Variants in ETV7 observed in about 807,000 individuals in gnomAD.
The protein encoded by ETV7 is ETS variant transcription factor 7.
Under a neutral mutation model 39.1 loss-of-function variants are expected in ETV7, and 43 were observed. That is an observed-to-expected ratio of 1.10 (90% CI 0.86 to 1.42). The LOEUF (loss-of-function observed/expected upper bound fraction) is 1.42. Among genes scored for constraint, ETV7 ranks in the 40% most tolerant of loss-of-function variants. The pLI, the probability that ETV7 is intolerant of heterozygous loss-of-function variation, is 0.00. For missense variants in ETV7, 432 were observed against 442.3 expected (o/e 0.98, Z 0.21); for synonymous variants, 196 against 176.6 (o/e 1.11, Z -0.87).
chr6:36,355,830 T>C (rs562363709), intron 7 of ETV7, among the ~76,000 whole-genome samples: 3 of 152,340 alleles, frequency 2.0e-5, no homozygotes, highest in Admixed American at 6.5e-5. Context: ...CTGGGAATAT[T>C]TGACACCACT....
intron 2 of ETV7, among the ~76,000 whole-genome samples, chr6:36,377,772 A>T (rs903392498): frequency 6.6e-6 from 1 of 152,212 alleles, no homozygotes. Flanking sequence ...CACGGCACAG[A>T]ACCAGGCTGG....
At chr6:36,383,568 CG>C (rs1170624346) in intron 2 of ETV7, among the ~76,000 whole-genome samples, 3 of 151,840 alleles carry the variant, frequency 2.0e-5, no homozygotes, top group Non-Finnish European at 2.9e-5. Context: ...GGGTGGGTGA[CG>C]GGGAATAAAC....
At chr6:36,381,513 C>T (rs1275560496) in intron 2 of ETV7, among the ~76,000 whole-genome samples, 2 of 152,276 alleles carry the variant, frequency 1.3e-5, no homozygotes, top group Admixed American at 1.3e-4. Flanking sequence ...GATCAGGATG[C>T]TGATCATCAG....
intron 4 of ETV7, among the ~76,000 whole-genome samples, chr6:36,372,805 G>A (rs1380328959): frequency 6.8e-6 from 1 of 148,092 alleles, no homozygotes; most frequent in African/African-American, 2.5e-5. Context: ...CAGCGTGGGT[G>A]CACATATCTG....
intron 1 of ETV7, 133 bp from the exon 2 acceptor site, chr6:36,385,802 G>A (rs576723862): frequency 4.3e-6 from 4 of 922,418 alleles, no homozygotes; most frequent in Non-Finnish European, 6.4e-6. Context: ...CAACCTTAAA[G>A]GTAGGAACCA....
chr6:36,373,601 G>GGGTGGC, intron 3 of ETV7, 23 bp from the exon 4 acceptor site: 1 of 475,642 alleles, frequency 2.1e-6, no homozygotes, highest in Non-Finnish European at 4.0e-6. Flanking sequence ...GGGAGGGAGG[G>GGGTGGC]CAGGCTGCTG....
In ETV7 at chr6:36,355,395, CT is replaced by C. The variant is rs1184198286; in HGVS notation, c.909-709del. Among the ~76,000 whole-genome samples the C allele has an allele frequency of 2.7e-3, 385 of 143,542 alleles. 1 individual carries two copies. The highest frequency in any genetic ancestry group is 5.4e-3 in the African/African-American group (215 of 39,598). 94.2% of individuals were successfully genotyped at this position (143,542 alleles called of 152,430 possible). ...GGTATATAACACTGATGTTCATAGA[CT>C]TTTTTTTTTTTTTGAGACAGAGTCT... On this transcript the variant is annotated intron_variant, in intron 7 of 7. Coordinates refer to the ETV7 transcript ENST00000339796.
chr6:36,379,482 C>T (rs1417270443), intron 2 of ETV7, among the ~76,000 whole-genome samples: 1 of 150,986 alleles, frequency 6.6e-6, no homozygotes, highest in Non-Finnish European at 1.5e-5. Context: ...CAAGAGTTCA[C>T]GGATGCAATG....
intron 6 of ETV7, among the ~76,000 whole-genome samples, chr6:36,368,518 C>A (rs992420887): frequency 6.6e-6 from 1 of 152,160 alleles, no homozygotes; most frequent in Non-Finnish European, 1.5e-5. Flanking sequence ...CATTCCTCAT[C>A]ATGGGAATGC....
chr6:36,376,636 C>T (rs1404163142), intron 2 of ETV7, among the ~76,000 whole-genome samples: 2 of 152,202 alleles, frequency 1.3e-5, no homozygotes, highest in South Asian at 4.1e-4. Context: ...ATTAGCTGGG[C>T]ATGGTGGCAT....
intron 6 of ETV7, among the ~76,000 whole-genome samples, chr6:36,368,185 C>T (rs1041551170): frequency 1.1e-4 from 16 of 152,146 alleles, no homozygotes; most frequent in African/African-American, 3.1e-4. Flanking sequence ...TCTCCACATC[C>T]GACAACACCT....
intron 5 of ETV7, 38 bp from the exon 6 acceptor site, chr6:36,369,109 T>C: frequency 6.2e-7 from 1 of 1,612,190 alleles, no homozygotes; most frequent in Non-Finnish European, 8.5e-7. Context: ...AGCGCAGCTT[T>C]ACTGGAGCTG....
chr6:36,376,165 A>G (rs1445623541), intron 2 of ETV7, 130 bp from the exon 3 acceptor site: 8 of 744,890 alleles, frequency 1.1e-5, no homozygotes, highest in Non-Finnish European at 1.7e-5. Context: ...TGTCGCTGCC[A>G]CCTGTTTCTT....
Position 36,371,347 on chromosome 6 carries a change from A to G in ETV7, c.647T>C (p.Ile216Thr). The G allele has an allele frequency of 6.3e-7, 1 of 1,591,748 alleles. No individual in the cohort carries two copies. Among genetic ancestry groups the G allele is most frequent in the Non-Finnish European group, 8.6e-7 (1 of 1,167,838 alleles). ...CCACTCACCAGCGATCCTGCCGTCA[A>G]TGGGGGCCTGCGGCATCGCGGGGAA... ...CSFPAMPQAP[I>T]DGRIADCRLL... The change falls in exon 5 of 8, where the codon ATT becomes ACT. Residue 216 changes from isoleucine to threonine, a missense_variant. Transcript: ENST00000340181.
At chr6:36,380,865 C>T (rs929979134) in intron 2 of ETV7, among the ~76,000 whole-genome samples, 4 of 152,066 alleles carry the variant, frequency 2.6e-5, no homozygotes, top group Non-Finnish European at 4.4e-5. Context: ...CCTTCTCCAG[C>T]CCCTGACTCC....
At chr6:36,363,244 T>TC (rs1434467549), downstream of ETV7, among the ~76,000 whole-genome samples, 4 of 152,200 alleles carry the variant, frequency 2.6e-5, no homozygotes, top group African/African-American at 9.7e-5. Flanking sequence ...GTTTGTTCTT[T>TC]CTGATGTTCC....
At chr6:36,373,723 C>T (rs113849499) in intron 3 of ETV7, 145 bp from the exon 4 acceptor site, 56 of 906,636 alleles carry the variant, frequency 6.2e-5, no homozygotes, top group African/African-American at 5.7e-4. Context: ...GTTCCTGCTG[C>T]AGCTAACAGG....
downstream of ETV7, among the ~76,000 whole-genome samples, chr6:36,364,089 AT>A (rs1252154744): frequency 6.6e-6 from 1 of 152,176 alleles, no homozygotes; most frequent in African/African-American, 2.4e-5. Context: ...CAGAGTGCCG[AT>A]TGGTGTATTT....
chr6:36,370,666 C>T (rs1582187433), intron 5 of ETV7, among the ~76,000 whole-genome samples: 2 of 151,700 alleles, frequency 1.3e-5, no homozygotes, highest in Admixed American at 6.6e-5. Context: ...GCACATGCAC[C>T]CCCTGAACCT....
Sources: gnomAD v4.1 joint callset for allele counts (sites outside exome capture counted in the v4.1 genomes callset) on GRCh38, gnomAD v4.1.1 for gene constraint, MANE v1.5 for transcripts, NCBI Gene and HGNC (gene_info 2026-07-23, HGNC 2026-07-21) for gene names.